ZYG11B: variants seen among roughly 807,000 people sequenced by gnomAD.
ZYG11B encodes zyg-11 family member B, cell cycle regulator, also known as protein zyg-11 homolog B.
Under a neutral mutation model 82.4 loss-of-function variants are expected in ZYG11B, and 36 were observed. The observed-to-expected ratio is 0.44, with a 90% CI of 0.33 to 0.58. The LOEUF (loss-of-function observed/expected upper bound fraction) is 0.58. Ranked by LOEUF, ZYG11B falls within the 20% of genes least tolerant of loss-of-function variation. The pLI, the probability that ZYG11B is intolerant of heterozygous loss-of-function variation, is 0.02. For synonymous variants in ZYG11B, 303 were observed against 312.8 expected, an observed-to-expected ratio of 0.97 and a Z score of 0.33; for missense variants, 552 against 895.6, an observed-to-expected ratio of 0.62 and a Z score of 4.90.
intron 1 of ZYG11B, among the ~76,000 whole-genome samples, chr1:52,753,054 G>C (rs116767165): frequency 0.039 from 5,915 of 152,054 alleles, 349 homozygotes; most frequent in African/African-American, 0.13. Context: ...CACCAAGTTG[G>C]TTAGGCTGGT....
chr1:52,790,631 G>A (rs1029065996), intron 6 of ZYG11B, among the ~76,000 whole-genome samples: 21 of 145,448 alleles, frequency 1.4e-4, no homozygotes, highest in Non-Finnish European at 2.2e-4. Flanking sequence ...TGAGGCAGGA[G>A]AATCGTTTGA....
chr1:52,799,272 G>T (rs931067544), intron 8 of ZYG11B, among the ~76,000 whole-genome samples: 47 of 152,174 alleles, frequency 3.1e-4, no homozygotes, highest in African/African-American at 1.1e-3. Flanking sequence ...TGGATCACAA[G>T]GTCAGGAGAT....
intron 2 of ZYG11B, among the ~76,000 whole-genome samples, chr1:52,770,092 A>ATT (rs33953020): frequency 0.27 from 25,711 of 93,920 alleles, 4,751 homozygotes; most frequent in Non-Finnish European, 0.36. Flanking sequence ...ATATATATAT[A>ATT]TTTTTTTTTT....
chr1:52,727,063 C>T (rs982587384), intron 1 of ZYG11B, among the ~76,000 whole-genome samples: 1 of 151,972 alleles, frequency 6.6e-6, no homozygotes, highest in African/African-American at 2.4e-5. Flanking sequence ...CCCTTTCCTC[C>T]CTAGTTTTCG....
At chr1:52,765,507 T>C (rs1011914679) in intron 2 of ZYG11B, among the ~76,000 whole-genome samples, 1 of 152,114 alleles carries the variant, frequency 6.6e-6, no homozygotes, top group Non-Finnish European at 1.5e-5. Context: ...TTTTGTTTTT[T>C]GTTTTTTGTT....
At chr1:52,812,210 T>C (rs1196464195) in intron 10 of ZYG11B, among the ~76,000 whole-genome samples, 1 of 152,108 alleles carries the variant, frequency 6.6e-6, no homozygotes, top group Non-Finnish European at 1.5e-5. Context: ...TTATGAATCA[T>C]ATTTTTCTGC....
chr1:52,809,531 A>G (rs1645166637), intron 10 of ZYG11B, among the ~76,000 whole-genome samples: 3 of 152,202 alleles, frequency 2.0e-5, no homozygotes, highest in Admixed American at 1.3e-4. Context: ...TATGGGGTAT[A>G]GTTCCAGAAA....
At chr1:52,766,660 T>A (rs1644691968) in intron 2 of ZYG11B, among the ~76,000 whole-genome samples, 1 of 152,066 alleles carries the variant, frequency 6.6e-6, no homozygotes. Flanking sequence ...ACTCCAGCAG[T>A]GGAAGGTAGG....
At position 52,780,053 on chromosome 1, in the gene ZYG11B, T is replaced by TA. The variant is rs1336032256; in HGVS notation, c.1092+60_1092+61insA. 2.0e-6 allele frequency: 3 copies of TA among 1,521,054 alleles called. No homozygotes were observed. The East Asian group carries it at 6.9e-5, about 35-fold the overall frequency. 94.2% of individuals were successfully genotyped at this position (1,521,054 alleles called of 1,614,324 possible). ...ATGATCTCCCTGGGCAGATGATTTT[T>TA]TGAAGAAAATTGGTGAAAATTTGCA... On this transcript the variant is annotated intron_variant, in intron 4 of 13. Transcript: ENST00000294353.
At chr1:52,744,425 A>G (rs542388447) in intron 1 of ZYG11B, among the ~76,000 whole-genome samples, 1 of 152,292 alleles carries the variant, frequency 6.6e-6, no homozygotes, top group Admixed American at 6.5e-5. Context: ...GCAACACATG[A>G]CTGTACTAAT....
intron 2 of ZYG11B, among the ~76,000 whole-genome samples, 192 bp downstream of exon 2, chr1:52,756,815 C>CTTTTTT (rs57189955): frequency 1.4e-4 from 18 of 132,552 alleles, no homozygotes; most frequent in African/African-American, 2.0e-4. Flanking sequence ...AAACATTTTT[C>CTTTTTT]TTTTTTTTTT....
intron 8 of ZYG11B, among the ~76,000 whole-genome samples, chr1:52,797,321 T>A (rs181537147): frequency 0.025 from 1,723 of 68,242 alleles, 28 homozygotes; most frequent in Middle Eastern, 0.062. Context: ...ATACATATAA[T>A]ATATATATTA....
intron 6 of ZYG11B, among the ~76,000 whole-genome samples, chr1:52,792,896 A>C (rs1435768861): frequency 6.6e-6 from 1 of 152,120 alleles, no homozygotes; most frequent in Non-Finnish European, 1.5e-5. Flanking sequence ...GCTAGAGTGC[A>C]ATAGCAAGAT....
intron 13 of ZYG11B, among the ~76,000 whole-genome samples, chr1:52,817,525 A>G (rs1412807054): frequency 6.6e-6 from 1 of 151,198 alleles, no homozygotes; most frequent in African/African-American, 2.4e-5. Context: ...AGCTAGGACT[A>G]CAAGTGCACG....
chr1:52,741,568 A>C (rs552175828), intron 1 of ZYG11B, among the ~76,000 whole-genome samples: 1 of 152,328 alleles, frequency 6.6e-6, no homozygotes, highest in African/African-American at 2.4e-5. Flanking sequence ...TTAACAATAA[A>C]TTCATGCTTG....
At chr1:52,742,856 AG>A (rs1474649324) in intron 1 of ZYG11B, among the ~76,000 whole-genome samples, 1 of 149,142 alleles carries the variant, frequency 6.7e-6, no homozygotes, top group African/African-American at 2.5e-5. Flanking sequence ...AAAAAAAAAA[AG>A]AGTCAAAAAG....
intron 3 of ZYG11B, among the ~76,000 whole-genome samples, chr1:52,778,719 G>GCTACCTA (rs1644829999): frequency 6.6e-6 from 1 of 152,030 alleles, no homozygotes; most frequent in African/African-American, 2.4e-5. Flanking sequence ...GCCACTTTCT[G>GCTACCTA]CTACCTACGT....
chr1:52,810,596 A>T (rs993240388), intron 10 of ZYG11B, among the ~76,000 whole-genome samples: 25 of 152,210 alleles, frequency 1.6e-4, no homozygotes, highest in African/African-American at 6.0e-4. Context: ...ACTGAGAGTC[A>T]CTGTCCTTTA....
rs1644678110 is a variant in ZYG11B, at chr1:52,765,795, G to A, written c.197-5225G>A. On this transcript the variant is annotated intron_variant, in intron 2 of 13. Transcript: ENST00000294353. ...TGGGATTATAAGCATGAGCCACTGT[G>A]CCTGCTCATTATTTCTTTAAGTACT... Among the ~76,000 whole-genome samples, 4 of 152,170 alleles carry A rather than the reference G, an allele frequency of 2.6e-5. 1 individual carries two copies. The South Asian group carries it at 8.3e-4, about 32-fold the overall frequency.
Sources: allele counts gnomAD v4.1 joint callset (sites outside exome capture counted in the v4.1 genomes callset), GRCh38; gene constraint gnomAD v4.1.1; transcripts MANE v1.5; gene names NCBI Gene and HGNC (gene_info 2026-07-23, HGNC 2026-07-21).